CCDC171: variants seen among roughly 807,000 people sequenced by gnomAD.
CCDC171 encodes coiled-coil domain-containing protein 171.
In CCDC171, 177 loss-of-function variants were observed where a neutral mutation model predicts 168.2. The observed-to-expected ratio is 1.05, with a 90% CI of 0.93 to 1.19. The LOEUF is 1.19. Ranked by LOEUF, CCDC171 falls within the 50% of genes most tolerant of loss-of-function variation. CCDC171 has a pLI of 0.00. For synonymous variants in CCDC171, 687 were observed against 540.8 expected (o/e 1.27, Z -3.75); for missense variants, 1,991 against 1,539.0 (o/e 1.29, Z -4.91).
intron 24 of CCDC171, among the ~76,000 whole-genome samples, chr9:15,879,472 A>T (rs528245185): frequency 6.6e-6 from 1 of 152,290 alleles, no homozygotes; most frequent in Admixed American, 6.5e-5. Context: ...CTATTTTGAA[A>T]TATACAATAA....
intron 11 of CCDC171, among the ~76,000 whole-genome samples, chr9:15,698,528 A>G (rs1168130858): frequency 6.6e-6 from 1 of 151,596 alleles, no homozygotes; most frequent in Non-Finnish European, 1.5e-5. Flanking sequence ...CTCAAAAAAA[A>G]AAAAAAAAAA....
chr9:15,662,390 C>G (rs1463269702), intron 8 of CCDC171, among the ~76,000 whole-genome samples: 1 of 150,560 alleles, frequency 6.6e-6, no homozygotes, highest in Non-Finnish European at 1.5e-5. Flanking sequence ...GAAACATTTT[C>G]ATAGTGTCTT....
intron 25 of CCDC171, among the ~76,000 whole-genome samples, chr9:15,921,204 G>A (rs951758625): frequency 3.4e-4 from 51 of 151,578 alleles, no homozygotes; most frequent in African/African-American, 1.2e-3. Flanking sequence ...CGCTTCAAAT[G>A]CTACATTCAA....
chr9:16,040,551 G>A (rs1190962154), upstream of CCDC171, among the ~76,000 whole-genome samples: 1 of 152,164 alleles, frequency 6.6e-6, no homozygotes, highest in Admixed American at 6.6e-5. Context: ...TGTGCCCAGT[G>A]GTGCAGGTCA....
chr9:16,087,302 G>T, the CCDC171 span, among the ~76,000 whole-genome samples: 1 of 152,030 alleles, frequency 6.6e-6, no homozygotes, highest in Non-Finnish European at 1.5e-5. Flanking sequence ...TTTCTGTCTC[G>T]TTGTTCTGTC....
intron 8 of CCDC171, 42 bp from the exon 9 acceptor site, chr9:15,666,121 C>T: frequency 6.4e-7 from 1 of 1,572,266 alleles, no homozygotes; most frequent in Non-Finnish European, 8.7e-7. Context: ...TTGATGCTAG[C>T]ATTTCTTAGC....
intron 25 of CCDC171, among the ~76,000 whole-genome samples, chr9:15,943,152 G>C (rs546405740): frequency 6.6e-6 from 1 of 151,976 alleles, no homozygotes; most frequent in South Asian, 2.1e-4. Flanking sequence ...TCTCAGCATT[G>C]TTAACAGCTT....
chr9:15,617,763 G>T (rs1196170673), intron 6 of CCDC171, among the ~76,000 whole-genome samples: 1 of 152,154 alleles, frequency 6.6e-6, no homozygotes, highest in Non-Finnish European at 1.5e-5. Flanking sequence ...CTGATGGTCT[G>T]CTGCAGTTTG....
chr9:15,852,740 G>A (rs2061185009), intron 23 of CCDC171, among the ~76,000 whole-genome samples: 1 of 150,446 alleles, frequency 6.6e-6, no homozygotes, highest in African/African-American at 2.4e-5. Context: ...AGTCCATATA[G>A]AATTGATTTT....
At chr9:15,566,198 T>G (rs897878728) in intron 2 of CCDC171, among the ~76,000 whole-genome samples, 162 of 152,118 alleles carry the variant, frequency 1.1e-3, no homozygotes, top group Middle Eastern at 3.4e-3. Context: ...AAATTGTGTT[T>G]TTTTTTTTTA....
intron 11 of CCDC171, among the ~76,000 whole-genome samples, chr9:15,720,101 A>G (rs910783508): frequency 6.6e-6 from 1 of 150,674 alleles, no homozygotes; most frequent in Non-Finnish European, 1.5e-5. Flanking sequence ...TTAAAGAAAA[A>G]CCAAGTTGTA....
intron 18 of CCDC171, among the ~76,000 whole-genome samples, chr9:15,773,260 C>T (rs1428378295): frequency 6.6e-6 from 1 of 152,070 alleles, no homozygotes; most frequent in African/African-American, 2.4e-5. Flanking sequence ...CATTATTATT[C>T]ACGCATATAT....
At chr9:15,751,298 A>G (rs2055723351) in intron 18 of CCDC171, among the ~76,000 whole-genome samples, 1 of 152,238 alleles carries the variant, frequency 6.6e-6, no homozygotes, top group Non-Finnish European at 1.5e-5. Flanking sequence ...ATGGCAGAAC[A>G]TTCCATGCTC....
At chr9:15,730,315 A>T (rs1256839723) in intron 16 of CCDC171, among the ~76,000 whole-genome samples, 3 of 150,762 alleles carry the variant, frequency 2.0e-5, no homozygotes, top group Non-Finnish European at 4.4e-5. Flanking sequence ...GTAATTCACT[A>T]TGAGTTGTAT....
intron 3 of CCDC171, among the ~76,000 whole-genome samples, chr9:16,002,065 C>G (rs1832562899): frequency 6.6e-6 from 1 of 150,390 alleles, no homozygotes; most frequent in Non-Finnish European, 1.5e-5. Flanking sequence ...CTGACTCAAG[C>G]AATCCTCCCA....
intron 7 of CCDC171, 62 bp downstream of exon 7, chr9:15,623,475 G>GCGCGCGCGCACA: frequency 3.7e-4 from 117 of 315,450 alleles, no homozygotes; most frequent in East Asian, 7.9e-4. Context: ...GCGCGCGCGC[G>GCGCGCGCGCACA]CACACACACA....
At chr9:15,929,545 C>T (rs925347941) in intron 25 of CCDC171, among the ~76,000 whole-genome samples, 1 of 151,672 alleles carries the variant, frequency 6.6e-6, no homozygotes, top group Non-Finnish European at 1.5e-5. Context: ...AACTTTTGTT[C>T]CACTTTCCCT....
chr9:15,561,022 C>T (rs754783199), intron 1 of CCDC171, among the ~76,000 whole-genome samples: 31 of 152,110 alleles, frequency 2.0e-4, no homozygotes, highest in African/African-American at 6.3e-4. Context: ...ATATCACTAG[C>T]GGAAGCTCAG....
downstream of CCDC171, among the ~76,000 whole-genome samples, chr9:15,977,449 T>A (rs1831658969): frequency 6.6e-6 from 1 of 152,226 alleles, no homozygotes. Context: ...AGAGTTTTGC[T>A]CCTTCCTCTA....
Sources: gnomAD v4.1 joint callset for allele counts (sites outside exome capture counted in the v4.1 genomes callset) on GRCh38, gnomAD v4.1.1 for gene constraint, MANE v1.5 for transcripts, NCBI Gene and HGNC (gene_info 2026-07-23, HGNC 2026-07-21) for gene names.